The following TMEM132C variants were observed in gnomAD, a reference collection of about 807,000 sequenced individuals.
TMEM132C encodes protein phosphatase 1, regulatory subunit 152.
Under a neutral mutation model 61.4 loss-of-function variants are expected in TMEM132C, and 29 were observed. The ratio of observed to expected loss-of-function variants is 0.47; its 90% CI spans 0.35 to 0.64. The LOEUF (loss-of-function observed/expected upper bound fraction) is 0.64. Among genes scored for constraint, TMEM132C ranks in the 30% least tolerant of loss-of-function variants. The pLI, the probability that TMEM132C is intolerant of heterozygous loss-of-function variation, is 0.00. For synonymous variants in TMEM132C, 656 were observed against 633.1 expected (o/e 1.04, Z -0.54); for missense variants, 1,408 against 1,476.9 (o/e 0.95, Z 0.76).
chr12:128,450,346 A>G (rs1479411621), intron 2 of TMEM132C, among the ~76,000 whole-genome samples: 2 of 152,160 alleles, frequency 1.3e-5, no homozygotes, highest in Non-Finnish European at 2.9e-5. Flanking sequence ...TAAATGATAG[A>G]ATAAGACCAA....
chr12:128,433,157 A>G (rs1869451445), intron 2 of TMEM132C, among the ~76,000 whole-genome samples: 1 of 152,220 alleles, frequency 6.6e-6, no homozygotes, highest in African/African-American at 2.4e-5. Context: ...AATAGCCTAC[A>G]GTAAGGATAA....
At chr12:128,435,538 C>CA (rs1869559702) in intron 2 of TMEM132C, among the ~76,000 whole-genome samples, 1 of 152,300 alleles carries the variant, frequency 6.6e-6, no homozygotes, top group South Asian at 2.1e-4. Context: ...TGTGAACCCC[C>CA]ATTCACAATT....
chr12:128,661,414 G>A (rs968583161), intron 4 of TMEM132C, among the ~76,000 whole-genome samples: 4 of 152,222 alleles, frequency 2.6e-5, no homozygotes, highest in African/African-American at 9.7e-5. Context: ...ATGGGGGTTT[G>A]CCAGGGTCTC....
At chr12:128,427,428 G>GTGTGTGTGTGTA (rs1359402190) in intron 2 of TMEM132C, among the ~76,000 whole-genome samples, 3,541 of 128,698 alleles carry the variant, frequency 0.028, 58 homozygotes, top group South Asian at 0.046. Flanking sequence ...GTGTGTGTGT[G>GTGTGTGTGTGTA]TATATATATT....
rs1302949675 is a variant in TMEM132C at position 128,536,330 on chromosome 12, G to A, written c.975-7627G>A. ...ACCGCATGTTCTCACTCATAGGTGG[G>A]AATTGAACAATGAGAACACTTGGTC... On this transcript the variant is annotated intron_variant, in intron 2 of 8. Transcript: ENST00000435159. Among the ~76,000 whole-genome samples the A allele has an allele frequency of 2.0e-5, 3 of 151,784 alleles. No individual in the cohort carries two copies. In the East Asian group the frequency reaches 5.8e-4, roughly 29 times the overall value.
At chr12:128,340,882 T>C in intron 1 of TMEM132C, among the ~76,000 whole-genome samples, 1 of 148,262 alleles carries the variant, frequency 6.7e-6, no homozygotes, top group African/African-American at 2.6e-5. Flanking sequence ...CCTTTCTTTT[T>C]TCTTTTTCTT....
intron 1 of TMEM132C, among the ~76,000 whole-genome samples, chr12:128,321,927 T>C (rs1872347556): frequency 6.6e-6 from 1 of 152,198 alleles, no homozygotes; most frequent in Non-Finnish European, 1.5e-5. Flanking sequence ...GCAGAGACCC[T>C]AAGGCTTGTG....
chr12:128,461,550 G>A (rs1292607206), intron 2 of TMEM132C, among the ~76,000 whole-genome samples: 3 of 151,936 alleles, frequency 2.0e-5, no homozygotes, highest in Non-Finnish European at 2.9e-5. Flanking sequence ...CCTCATTTCC[G>A]GGAGCTCCTT....
At chr12:128,457,305 TAAA>T (rs578230110) in intron 2 of TMEM132C, among the ~76,000 whole-genome samples, 4 of 120,876 alleles carry the variant, frequency 3.3e-5, no homozygotes, top group Admixed American at 8.6e-5. Context: ...TCTCCATCTG[TAAA>T]AAAAAAAAAA....
chr12:128,511,315 C>T (rs568258878), intron 2 of TMEM132C, among the ~76,000 whole-genome samples: 57 of 152,306 alleles, frequency 3.7e-4, no homozygotes, highest in Non-Finnish European at 5.9e-5. Flanking sequence ...AGCTGACATT[C>T]TGGGGAAGGA....
At chr12:128,314,913 G>A (rs1872099812) in intron 1 of TMEM132C, among the ~76,000 whole-genome samples, 1 of 152,222 alleles carries the variant, frequency 6.6e-6, no homozygotes, top group Admixed American at 6.5e-5. Context: ...GTTGTGAGAT[G>A]ATTCACAGAG....
chr12:128,299,155 G>A (rs929893369), intron 1 of TMEM132C, among the ~76,000 whole-genome samples: 4 of 152,142 alleles, frequency 2.6e-5, no homozygotes, highest in Non-Finnish European at 5.9e-5. Context: ...GAGCTTGGAA[G>A]GTGATAAATT....
chr12:128,509,275 C>G (rs535875745), intron 2 of TMEM132C, among the ~76,000 whole-genome samples: 4 of 152,134 alleles, frequency 2.6e-5, no homozygotes, highest in Non-Finnish European at 4.4e-5. Context: ...CTTTGAGTAC[C>G]TCAGTGTTTA....
chr12:128,398,350 C>G (rs1435016168), intron 1 of TMEM132C, among the ~76,000 whole-genome samples: 1 of 152,226 alleles, frequency 6.6e-6, no homozygotes, highest in Non-Finnish European at 1.5e-5. Context: ...GACTGACACT[C>G]TCTCTCCGCA....
chr12:128,518,734 A>T (rs962827726), intron 2 of TMEM132C, among the ~76,000 whole-genome samples: 4 of 151,476 alleles, frequency 2.6e-5, no homozygotes, highest in African/African-American at 9.7e-5. Flanking sequence ...GTGTGTGTGC[A>T]TGTGTGTGCG....
chr12:128,387,017 T>C (rs1004709614), intron 1 of TMEM132C, among the ~76,000 whole-genome samples: 2 of 151,808 alleles, frequency 1.3e-5, no homozygotes, highest in Non-Finnish European at 2.9e-5. Flanking sequence ...GATGCACATC[T>C]GTGGTCCCTG....
In TMEM132C at chr12:128,414,907, CA is replaced by C. The variant is rs1276348129; in HGVS notation, c.265del (p.Thr89ProfsTer24). 1 of 1,551,818 alleles carries C rather than the reference CA, an allele frequency of 6.4e-7. No homozygotes were observed. Among genetic ancestry groups the C allele is most frequent in the South Asian group, 1.2e-5 (1 of 84,060 alleles). On this transcript the variant is annotated frameshift_variant, in exon 2 of 9. Transcript: ENST00000435159. LOFTEE classifies it high-confidence loss of function. ...QARVESFFTY[K>X]TRQPPVLNAS... ...CGAGGGTGGAGTCCTTCTTTACCTACAAAACCAGGCAGCCCCCAGTGCTCAA... is the reference window on the plus strand; with the variant it reads ...CGAGGGTGGAGTCCTTCTTTACCTACAAACCAGGCAGCCCCCAGTGCTCAA...
intron 1 of TMEM132C, among the ~76,000 whole-genome samples, chr12:128,346,469 C>A (rs1367451607): frequency 1.1e-4 from 17 of 152,130 alleles, no homozygotes; most frequent in Admixed American, 1.0e-3. Context: ...AATAGGAATA[C>A]CATTGAATCT....
At chr12:128,621,495 A>G (rs1953963094) in intron 4 of TMEM132C, among the ~76,000 whole-genome samples, 1 of 152,212 alleles carries the variant, frequency 6.6e-6, no homozygotes, top group Non-Finnish European at 1.5e-5. Flanking sequence ...CTAGCTGGCA[A>G]CATGCCAAGC....
Sources: allele counts gnomAD v4.1 joint callset (sites outside exome capture counted in the v4.1 genomes callset), GRCh38; gene constraint gnomAD v4.1.1; transcripts MANE v1.5; gene names NCBI Gene and HGNC (gene_info 2026-07-23, HGNC 2026-07-21).